The following GRAMD1B variants were observed in gnomAD, a reference collection of about 807,000 sequenced individuals.
GRAMD1B encodes protein Aster-B.
In GRAMD1B, 37 loss-of-function variants were observed where a neutral mutation model predicts 99.7. The observed-to-expected ratio is 0.37, with a 90% CI of 0.29 to 0.49. GRAMD1B has a LOEUF of 0.49. GRAMD1B is among the 20% of genes least tolerant of loss of function. The pLI is 0.98. For synonymous variants in GRAMD1B, 427 were observed against 387.6 expected (o/e 1.10, Z -1.19); for missense variants, 888 against 1,009.2 (o/e 0.88, Z 1.63).
intron 2 of GRAMD1B, among the ~76,000 whole-genome samples, chr11:123,575,746 C>G (rs142182752): frequency 1.2e-4 from 19 of 152,038 alleles, no homozygotes; most frequent in African/African-American, 4.3e-4. Flanking sequence ...AAGGAAGGTA[C>G]CTTCCTTTCT....
At chr11:123,370,372 A>C in intron 1 of GRAMD1B, among the ~76,000 whole-genome samples, 2 of 120,668 alleles carry the variant, frequency 1.7e-5, no homozygotes, top group East Asian at 2.2e-4. Context: ...ACAGATTCTC[A>C]CTCTGTCGCC....
At chr11:123,401,859 T>A (rs1701060882) in intron 1 of GRAMD1B, among the ~76,000 whole-genome samples, 1 of 152,088 alleles carries the variant, frequency 6.6e-6, no homozygotes, top group South Asian at 2.1e-4. Flanking sequence ...CAGTGAGCCG[T>A]GGTCTCATCA....
rs181506533 is a variant in GRAMD1B at position 123,559,988 on chromosome 11, T to C, written c.453-17379T>C. Among the ~76,000 whole-genome samples the C allele has an allele frequency of 3.9e-5, 6 of 152,150 alleles. No homozygotes were observed. The East Asian group carries it at 5.8e-4, about 15-fold the overall frequency. ...CTAGTGGGCAGCACCTGGGAAATAA[T>C]TGGTGGCAGCGAAGGGAGCAGAGTC... On this transcript the variant is annotated intron_variant, in intron 2 of 19. Coordinates refer to ENST00000635736, the MANE Select transcript of GRAMD1B (RefSeq NM_001387025.1).
chr11:123,481,979 G>T (rs1444548646), intron 2 of GRAMD1B, among the ~76,000 whole-genome samples: 1 of 152,046 alleles, frequency 6.6e-6, no homozygotes. Context: ...GCTGAGAGGG[G>T]GTAGAGAACA....
At chr11:123,496,348 T>C (rs748654610) in intron 2 of GRAMD1B, among the ~76,000 whole-genome samples, 10 of 152,130 alleles carry the variant, frequency 6.6e-5, no homozygotes, top group Admixed American at 2.6e-4. Context: ...GGAGTTCAAT[T>C]GTATGTTGTT....
chr11:123,395,586 C>T (rs1947430935), intron 1 of GRAMD1B, among the ~76,000 whole-genome samples: 2 of 152,116 alleles, frequency 1.3e-5, no homozygotes, highest in African/African-American at 4.8e-5. Flanking sequence ...TTTACTTATC[C>T]AAGCAGTCAC....
chr11:123,361,778 G>A (rs1217579403), intron 1 of GRAMD1B, among the ~76,000 whole-genome samples: 1 of 152,162 alleles, frequency 6.6e-6, no homozygotes, highest in Non-Finnish European at 1.5e-5. Context: ...TTCATACCTG[G>A]TGGGTCTGCA....
Position 123,548,809 on chromosome 11 carries a change from A to G in GRAMD1B, c.453-28558A>G, listed in dbSNP as rs532025000. Among the ~76,000 whole-genome samples the G allele has an allele frequency of 4.6e-5, 7 of 152,204 alleles. No individual in the cohort carries two copies. The East Asian group carries it at 1.2e-3, about 25-fold the overall frequency. ...TTTTAAATAGAATCTGGGTCTTGTCATGTTGCCTAGGCTGGTCTCAAACTG... is the reference window on the plus strand; with the variant it reads ...TTTTAAATAGAATCTGGGTCTTGTCGTGTTGCCTAGGCTGGTCTCAAACTG... On this transcript the variant is annotated intron_variant, in intron 2 of 19. Transcript: ENST00000635736.
intron 1 of GRAMD1B, among the ~76,000 whole-genome samples, chr11:123,480,166 A>G (rs536471661): frequency 2.1e-4 from 32 of 152,318 alleles, no homozygotes; most frequent in Admixed American, 1.8e-3. Context: ...TGCCTGAACT[A>G]AAGCTGTGTA....
chr11:123,430,668 A>C lies in GRAMD1B; in HGVS notation c.-125A>C, dbSNP rs562281794. 4.9e-4 allele frequency: 266 copies of C among 537,808 alleles called. 4 individuals carry two copies. The African/African-American group carries it at 5.1e-3, about 10-fold the overall frequency. The allele number at this position is 537,808 out of a possible 1,614,324, so 33.3% of individuals were successfully genotyped here. A position where few individuals can be genotyped will look rare whatever the true frequency, so the allele number is the denominator to read the frequency against. On this transcript the variant is annotated 5_prime_UTR_variant, in exon 1 of 20. Transcript: ENST00000635736. ...TTCCTCGCTGCGCTCCGGGAAAGGA[A>C]CTTGTTCCTTCGGCCCCAGGATTGG...
At chr11:123,411,590 A>G (rs995265897) in intron 1 of GRAMD1B, among the ~76,000 whole-genome samples, 1 of 152,138 alleles carries the variant, frequency 6.6e-6, no homozygotes, top group Non-Finnish European at 1.5e-5. Context: ...AGAAATACCC[A>G]ATGACCACTT....
At chr11:123,396,705 C>T (rs1565472152) in intron 1 of GRAMD1B, among the ~76,000 whole-genome samples, 1 of 152,186 alleles carries the variant, frequency 6.6e-6, no homozygotes. Context: ...AGGGATTTTA[C>T]TTTGTGGTTT....
intron 1 of GRAMD1B, among the ~76,000 whole-genome samples, chr11:123,368,276 A>G (rs1424342490): frequency 1.8e-5 from 1 of 55,352 alleles, no homozygotes; most frequent in East Asian, 3.0e-4. Context: ...AAAAAAAAAA[A>G]AAGAAAGAAA....
intron 1 of GRAMD1B, among the ~76,000 whole-genome samples, chr11:123,473,241 T>G (rs948821926): frequency 6.6e-6 from 1 of 152,122 alleles, no homozygotes; most frequent in Non-Finnish European, 1.5e-5. Context: ...GTTTTGTATT[T>G]GTAGTAGAGA....
At chr11:123,520,370 C>G (rs1177520832) in intron 2 of GRAMD1B, among the ~76,000 whole-genome samples, 2 of 152,192 alleles carry the variant, frequency 1.3e-5, no homozygotes, top group Non-Finnish European at 2.9e-5. Flanking sequence ...GCCCTACCCC[C>G]TCTTTATCAA....
intron 1 of GRAMD1B, among the ~76,000 whole-genome samples, chr11:123,436,227 C>A (rs1311923619): frequency 6.6e-6 from 1 of 152,118 alleles, no homozygotes; most frequent in Non-Finnish European, 1.5e-5. Context: ...AGGCATGAAC[C>A]ACTGTGCCTG....
At chr11:123,408,174 G>C (rs1050183105) in intron 1 of GRAMD1B, among the ~76,000 whole-genome samples, 1 of 152,226 alleles carries the variant, frequency 6.6e-6, no homozygotes, top group Non-Finnish European at 1.5e-5. Context: ...GTGTAAACTT[G>C]ACGGAATAAT....
intron 2 of GRAMD1B, among the ~76,000 whole-genome samples, chr11:123,532,863 C>T (rs980805435): frequency 2.0e-5 from 3 of 152,186 alleles, no homozygotes; most frequent in Admixed American, 6.5e-5. Flanking sequence ...TGAGTAGTTG[C>T]AACAGGTCTA....
intron 12 of GRAMD1B, 139 bp downstream of exon 12, chr11:123,608,941 C>G (rs1480650344): frequency 3.0e-6 from 2 of 656,016 alleles, no homozygotes; most frequent in Non-Finnish European, 2.6e-6. Flanking sequence ...CCCAGACACC[C>G]TCTCTCCAGC....
Sources: gnomAD v4.1 joint callset for allele counts (sites outside exome capture counted in the v4.1 genomes callset) on GRCh38, gnomAD v4.1.1 for gene constraint, MANE v1.5 for transcripts, NCBI Gene and HGNC (gene_info 2026-07-23, HGNC 2026-07-21) for gene names.